Variants in GLIS3 observed in about 807,000 individuals in gnomAD.
GLIS3 encodes the protein GLIS family zinc finger 3.
A neutral mutation model predicts 78.6 loss-of-function variants in GLIS3; 53 were observed. The observed-to-expected ratio is 0.67, with a 90% CI of 0.54 to 0.85. The LOEUF (loss-of-function observed/expected upper bound fraction) is 0.85. GLIS3 is among the 40% of genes least tolerant of loss of function. GLIS3 has a pLI of 0.00. For synonymous variants in GLIS3, 684 were observed against 509.9 expected (o/e 1.34, Z -4.60); for missense variants, 1,703 against 1,231.1 (o/e 1.38, Z -5.74).
chr9:3,951,230 A>C (rs1229264330), intron 4 of GLIS3, among the ~76,000 whole-genome samples: 2 of 152,224 alleles, frequency 1.3e-5, no homozygotes, highest in African/African-American at 4.8e-5. Flanking sequence ...TAATCTAAAA[A>C]TTCAAAGCCC....
At chr9:4,400,053 A>T in the GLIS3 span, among the ~76,000 whole-genome samples, 1 of 152,188 alleles carries the variant, frequency 6.6e-6, no homozygotes, top group Admixed American at 6.5e-5. Context: ...TCAGATTATG[A>T]AGAACCTTGG....
the GLIS3 span, among the ~76,000 whole-genome samples, chr9:4,353,942 C>T: frequency 6.6e-6 from 1 of 152,014 alleles, no homozygotes; most frequent in African/African-American, 2.4e-5. Context: ...ATTCTCCTGC[C>T]TCAGCCTACC....
intron 2 of GLIS3, among the ~76,000 whole-genome samples, chr9:4,192,921 G>T (rs916323128): frequency 3.9e-5 from 6 of 152,216 alleles, no homozygotes; most frequent in Non-Finnish European, 7.3e-5. Flanking sequence ...AAGTATCTCA[G>T]TGTGGACAGG....
chr9:4,205,143 T>A (rs957914927), intron 2 of GLIS3, among the ~76,000 whole-genome samples: 2 of 132,802 alleles, frequency 1.5e-5, no homozygotes, highest in Admixed American at 1.7e-4. Flanking sequence ...CCCACTGCAC[T>A]CCAGTCCCTG....
intron 4 of GLIS3, among the ~76,000 whole-genome samples, chr9:3,978,052 A>T (rs1250653689): frequency 6.6e-6 from 1 of 152,246 alleles, no homozygotes; most frequent in African/African-American, 2.4e-5. Flanking sequence ...GATCTTTCTC[A>T]TGAAAAGCTC....
At chr9:3,865,301 C>A (rs1250847851) in intron 8 of GLIS3, among the ~76,000 whole-genome samples, 1 of 152,194 alleles carries the variant, frequency 6.6e-6, no homozygotes, top group Admixed American at 6.5e-5. Context: ...AATCTCTTAG[C>A]AGCTAAGTCT....
At chr9:4,307,946 A>G (rs560445013) in intron 4 of GLIS3, among the ~76,000 whole-genome samples, 52 of 152,246 alleles carry the variant, frequency 3.4e-4, no homozygotes, top group African/African-American at 1.2e-3. Flanking sequence ...TTAGGGTGCT[A>G]TTTAGGGTAA....
At chr9:4,036,281 TTC>T (rs1017863340) in intron 4 of GLIS3, among the ~76,000 whole-genome samples, 1 of 152,234 alleles carries the variant, frequency 6.6e-6, no homozygotes, top group African/African-American at 2.4e-5. Flanking sequence ...TCTTTTTTTT[TTC>T]TCTCAGGCCT....
At chr9:4,030,975 C>T (rs1823787434) in intron 4 of GLIS3, among the ~76,000 whole-genome samples, 1 of 152,140 alleles carries the variant, frequency 6.6e-6, no homozygotes, top group Non-Finnish European at 1.5e-5. Flanking sequence ...ACCAGGATGG[C>T]TACCAAAAAA....
At position 4,117,198 on chromosome 9, in the gene GLIS3, G is replaced by A. The variant is rs183729765; in HGVS notation, c.1710+570C>T. 1.5e-3 allele frequency among the ~76,000 whole-genome samples: 228 copies of A among 152,260 alleles called. 2 individuals are homozygous for A. The highest frequency in any genetic ancestry group is 5.0e-3 in the African/African-American group (207 of 41,550). ...GAGATTCTGCTCCTGTGTATCCCCT[G>A]GGTGATTTTATGCCGACTATAAATC... On this transcript the variant is annotated intron_variant, in intron 4 of 10. Transcript: ENST00000381971.
chr9:3,828,476 A>G, intron 10 of GLIS3, 68 bp from the exon 11 acceptor site: 2 of 1,590,240 alleles, frequency 1.3e-6, no homozygotes, highest in Non-Finnish European at 1.7e-6. Flanking sequence ...GAAATGCACT[A>G]CAGTAATGCA....
the GLIS3 span, among the ~76,000 whole-genome samples, chr9:4,370,561 C>A: frequency 6.6e-6 from 1 of 152,074 alleles, no homozygotes; most frequent in African/African-American, 2.4e-5. Context: ...TTCTCTGGAT[C>A]ATGATAGATC....
At chr9:4,170,778 C>T (rs1171729609) in intron 2 of GLIS3, among the ~76,000 whole-genome samples, 1 of 152,126 alleles carries the variant, frequency 6.6e-6, no homozygotes, top group South Asian at 2.1e-4. Context: ...TAAAAACTAC[C>T]TAAATCCACA....
chr9:4,269,860 ACAC>A (rs1443554984), intron 2 of GLIS3, among the ~76,000 whole-genome samples: 9 of 152,342 alleles, frequency 5.9e-5, no homozygotes, highest in African/African-American at 2.2e-4. Flanking sequence ...TGGTGGGGAC[ACAC>A]AACAAGGTGG....
intron 2 of GLIS3, among the ~76,000 whole-genome samples, chr9:4,179,827 T>C (rs546924715): frequency 2.0e-5 from 3 of 151,328 alleles, no homozygotes; most frequent in East Asian, 3.9e-4. Flanking sequence ...GGAGAATCGC[T>C]GGAACCCGGG....
chr9:4,049,554 A>C (rs908154368), intron 4 of GLIS3, among the ~76,000 whole-genome samples: 8 of 152,098 alleles, frequency 5.3e-5, no homozygotes, highest in Admixed American at 1.3e-4. Context: ...TCTTTCCTTC[A>C]TTCTCTTTCA....
At chr9:4,338,158 C>T (rs1039895674) in intron 2 of GLIS3, among the ~76,000 whole-genome samples, 5 of 152,132 alleles carry the variant, frequency 3.3e-5, no homozygotes, top group South Asian at 2.1e-4. Flanking sequence ...CTTCTCCTGA[C>T]TAGACAAGTT....
At chr9:4,303,130 A>ACTTC (rs1554654749), upstream of GLIS3, among the ~76,000 whole-genome samples, 1 of 13,516 alleles carries the variant, frequency 7.4e-5, no homozygotes, top group Non-Finnish European at 2.0e-3. Context: ...ACAGTAAACC[A>ACTTC]CTTACAAACT....
the GLIS3 span, among the ~76,000 whole-genome samples, chr9:4,378,916 G>A: frequency 6.6e-6 from 1 of 152,186 alleles, no homozygotes; most frequent in Non-Finnish European, 1.5e-5. Context: ...CCCCCATCAA[G>A]CCAAGTGTTT....
Sources: gnomAD v4.1 joint callset for allele counts (sites outside exome capture counted in the v4.1 genomes callset) on GRCh38, gnomAD v4.1.1 for gene constraint, MANE v1.5 for transcripts, NCBI Gene and HGNC (gene_info 2026-07-23, HGNC 2026-07-21) for gene names.